VWA8: variants seen among roughly 807,000 people sequenced by gnomAD.
The protein encoded by VWA8 is von Willebrand factor A domain containing 8.
In VWA8, 221 loss-of-function variants were observed where a neutral mutation model predicts 241.5. The ratio of observed to expected loss-of-function variants is 0.91; its 90% CI spans 0.82 to 1.02. The LOEUF is 1.02. Ranked by LOEUF, VWA8 falls within the 50% of genes least tolerant of loss-of-function variation. The probability of loss-of-function intolerance (pLI) is 0.00; values close to 1 mark genes in which losing one functional copy is unlikely to be tolerated. For missense variants in VWA8, 2,322 were observed against 2,328.7 expected, an observed-to-expected ratio of 1.00 and a Z score of 0.06; for synonymous variants, 852 against 827.1, an observed-to-expected ratio of 1.03 and a Z score of -0.52.
chr13:41,569,530 T>C (rs1402159956), intron 44 of VWA8, among the ~76,000 whole-genome samples: 1 of 152,076 alleles, frequency 6.6e-6, no homozygotes, highest in African/African-American at 2.4e-5. Flanking sequence ...GCAAAGGGAA[T>C]AGAAAGAGAA....
Position 41,912,111 on chromosome 13 carries a change from T to C in VWA8, c.299A>G (p.Asp100Gly), listed in dbSNP as rs780515564. The stretch of plus-strand genomic sequence containing the variant: ...TAGAAAAACATCTTGCCCCAAAAGA[T>C]CCTTCTGCATTATCCATCTTAGATG... ...VQHLRWIMQK[D>G]LLGQDVFLIG... Residue 100 changes from aspartate to glycine, a missense_variant, in exon 3 of 45, where the codon GAT (aspartate) becomes GGT (glycine). Transcript: ENST00000379310. 1 of 1,610,212 alleles carries C rather than the reference T, an allele frequency of 6.2e-7. No individual in the cohort carries two copies.
At chr13:41,856,865 T>C (rs934373341) in intron 12 of VWA8, among the ~76,000 whole-genome samples, 2 of 151,678 alleles carry the variant, frequency 1.3e-5, no homozygotes, top group East Asian at 3.9e-4. Flanking sequence ...GAAAGAAACT[T>C]CCACAAAACC....
intron 27 of VWA8, among the ~76,000 whole-genome samples, chr13:41,702,353 AG>A (rs1022673943): frequency 6.6e-6 from 1 of 152,180 alleles, no homozygotes; most frequent in Non-Finnish European, 1.5e-5. Flanking sequence ...CTCTTTAAAA[AG>A]GGTTCTGGAA....
intron 39 of VWA8, among the ~76,000 whole-genome samples, chr13:41,608,456 T>C (rs2044566604): frequency 6.6e-6 from 1 of 152,224 alleles, no homozygotes; most frequent in Non-Finnish European, 1.5e-5. Context: ...AGGGCACAGC[T>C]GCTTCACATC....
chr13:41,671,590 A>G (rs1167658976), intron 36 of VWA8, among the ~76,000 whole-genome samples: 1 of 151,338 alleles, frequency 6.6e-6, no homozygotes, highest in Non-Finnish European at 1.5e-5. Flanking sequence ...AACCCCCAAT[A>G]TGATAGTATT....
chr13:41,602,163 T>C (rs1293249486), intron 40 of VWA8, among the ~76,000 whole-genome samples: 1 of 152,120 alleles, frequency 6.6e-6, no homozygotes, highest in Non-Finnish European at 1.5e-5. Context: ...AATGGAGGAC[T>C]AGAAGGCCCA....
intron 43 of VWA8, among the ~76,000 whole-genome samples, chr13:41,574,724 C>A (rs114323434): frequency 6.6e-6 from 1 of 151,998 alleles, no homozygotes; most frequent in Non-Finnish European, 1.5e-5. Flanking sequence ...AAAATAGGCA[C>A]GTAGACCAAT....
chr13:41,573,426 CAAAG>C (rs1407281402), intron 43 of VWA8, among the ~76,000 whole-genome samples: 1 of 117,846 alleles, frequency 8.5e-6, no homozygotes, highest in Non-Finnish European at 1.7e-5. Context: ...TCAAAACAAA[CAAAG>C]AATAAGACCT....
At chr13:41,823,739 G>C (rs1171508565) in intron 14 of VWA8, among the ~76,000 whole-genome samples, 1 of 152,146 alleles carries the variant, frequency 6.6e-6, no homozygotes, top group Non-Finnish European at 1.5e-5. Flanking sequence ...GGGTATGTTA[G>C]GCATGTGATT....
rs1364854976 is a variant in VWA8, at chr13:41,611,696, C to A, written c.4757G>T (p.Gly1586Val). 1 of 1,613,906 alleles carries A rather than the reference C, an allele frequency of 6.2e-7. No individual in the cohort carries two copies. The highest frequency in any genetic ancestry group is 1.3e-5 in the African/African-American group (1 of 74,902). ...ATGGCCTGCATCCAGCCGGTAAGGG[C>A]CTCCTTTGCCACCCAGGCCTGCCGT... ...RDTAGLGGKG[G>V]PYRLDAGHTV... The change falls in exon 39 of 45, where the codon GGC becomes GTC. Residue 1586 changes from glycine to valine, a missense_variant. Gly to Val is a moderately radical substitution (Grantham distance 109). Coordinates refer to ENST00000379310, the MANE Select transcript of VWA8 (RefSeq NM_015058.2).
intron 5 of VWA8, 118 bp from the exon 6 acceptor site, chr13:41,887,479 C>T: frequency 8.8e-7 from 1 of 1,133,926 alleles, no homozygotes. Context: ...GGAGAACACT[C>T]TCAAATCCAT....
intron 21 of VWA8, among the ~76,000 whole-genome samples, chr13:41,758,207 T>C: frequency 6.6e-6 from 1 of 151,078 alleles, no homozygotes; most frequent in East Asian, 1.9e-4. Context: ...AAGTTAGAAG[T>C]ATTTGAAGAA....
At chr13:41,827,837 T>C (rs940942903) in intron 14 of VWA8, among the ~76,000 whole-genome samples, 2 of 152,202 alleles carry the variant, frequency 1.3e-5, no homozygotes, top group African/African-American at 2.4e-5. Context: ...ATTAGAGAAC[T>C]TGGGTACTTT....
At chr13:41,680,076 G>C (rs751429032) in intron 35 of VWA8, among the ~76,000 whole-genome samples, 28 of 151,542 alleles carry the variant, frequency 1.8e-4, no homozygotes, top group Non-Finnish European at 3.5e-4. Flanking sequence ...ATTTTGCTTG[G>C]ATTAACATCC....
chr13:41,640,844 T>C (rs2044790903), intron 37 of VWA8, among the ~76,000 whole-genome samples: 1 of 152,252 alleles, frequency 6.6e-6, no homozygotes, highest in Admixed American at 6.5e-5. Flanking sequence ...TTGTTCATCC[T>C]GATCGTAATA....
At chr13:41,792,250 A>C (rs1480233633) in intron 17 of VWA8, among the ~76,000 whole-genome samples, 1 of 151,882 alleles carries the variant, frequency 6.6e-6, no homozygotes, top group African/African-American at 2.4e-5. Flanking sequence ...CTTAATCAAA[A>C]ATCATCCAAA....
At chr13:41,856,838 T>TA (rs550321490) in intron 12 of VWA8, among the ~76,000 whole-genome samples, 39,478 of 132,398 alleles carry the variant, frequency 0.3, 6,543 homozygotes, top group East Asian at 0.4. Flanking sequence ...AAATGAAAAT[T>TA]AAAAAAAAAA....
chr13:41,704,057 G>A (rs1203880819), intron 26 of VWA8, among the ~76,000 whole-genome samples: 1 of 152,132 alleles, frequency 6.6e-6, no homozygotes, highest in East Asian at 1.9e-4. Context: ...ACCGTGCCCA[G>A]ACAATTCTTT....
At chr13:41,932,379 AT>A (rs1171410188) in intron 2 of VWA8, among the ~76,000 whole-genome samples, 1 of 152,124 alleles carries the variant, frequency 6.6e-6, no homozygotes. Context: ...TCTACCAAAC[AT>A]TTAAGAAAAA....
Sources: gnomAD v4.1 joint callset for allele counts (sites outside exome capture counted in the v4.1 genomes callset) on GRCh38, gnomAD v4.1.1 for gene constraint, MANE v1.5 for transcripts, NCBI Gene and HGNC (gene_info 2026-07-23, HGNC 2026-07-21) for gene names.